The following SYBU variants were observed in gnomAD, a reference collection of about 807,000 sequenced individuals.
SYBU encodes syntabulin, also known as GOLSYN A protein.
SYBU carries 21 observed loss-of-function variants against 35.9 expected under a neutral mutation model. The ratio of observed to expected loss-of-function variants is 0.58; its 90% CI spans 0.41 to 0.84. SYBU has a LOEUF of 0.84. SYBU is among the 40% of genes least tolerant of loss of function. The pLI is 0.00. For missense variants in SYBU, 768 were observed against 848.2 expected (o/e 0.91, Z 1.17); for synonymous variants, 319 against 324.3 (o/e 0.98, Z 0.18).
At chr8:109,630,492 A>G (rs2130513473) in intron 2 of SYBU, among the ~76,000 whole-genome samples, 1 of 152,314 alleles carries the variant, frequency 6.6e-6, no homozygotes, top group East Asian at 1.9e-4. Context: ...CGTAATAGAA[A>G]TGAGAGGTAA....
chr8:109,607,701 CAT>C (rs764710972), intron 3 of SYBU, among the ~76,000 whole-genome samples: 44 of 152,038 alleles, frequency 2.9e-4, no homozygotes, highest in Admixed American at 1.0e-3. Flanking sequence ...TAAAATAACA[CAT>C]GTGTATATTT....
chr8:109,629,925 T>C (rs1431245565), intron 2 of SYBU, among the ~76,000 whole-genome samples: 1 of 152,142 alleles, frequency 6.6e-6, no homozygotes, highest in African/African-American at 2.4e-5. Flanking sequence ...ATGTGTTTTT[T>C]GGCTGCATAA....
intron 1 of SYBU, among the ~76,000 whole-genome samples, chr8:109,678,134 CAA>C (rs758399888): frequency 0.16 from 6,827 of 41,958 alleles, 44 homozygotes; most frequent in South Asian, 0.31. Flanking sequence ...AACTCCACCT[CAA>C]AAAAAAAAAA....
At chr8:109,622,947 C>T (rs995627303) in intron 2 of SYBU, among the ~76,000 whole-genome samples, 4 of 152,078 alleles carry the variant, frequency 2.6e-5, no homozygotes, top group Non-Finnish European at 4.4e-5. Flanking sequence ...GGAAGCTTTG[C>T]GCCAAGGTTT....
chr8:109,589,855 C>T (rs1247311386), intron 3 of SYBU, among the ~76,000 whole-genome samples: 2 of 152,100 alleles, frequency 1.3e-5, no homozygotes, highest in Admixed American at 6.6e-5. Flanking sequence ...CAGAACATCA[C>T]AGTATAGAAC....
Position 109,642,810 on chromosome 8 carries a change from G to C in SYBU, c.147C>G (p.Phe49Leu). ...TGAACTCTCTGCTCTCTTCCTCAGA[G>C]AAAGGAGACTCAGAGGCTGGGGACA... is the stretch of plus-strand genomic sequence containing the variant. ...HKVSPASESP[F>L]SEEESREFNP... is the part of the protein sequence containing the mutation. The change falls in exon 2 of 7, where the codon TTC becomes TTG. Residue 49 changes from phenylalanine to leucine, a missense_variant. Physicochemically the swap from Phe to Leu is conservative, Grantham distance 22. Coordinates refer to ENST00000276646, the MANE Select transcript of SYBU (RefSeq NM_001099754.2). The C allele has an allele frequency of 1.9e-6, 3 of 1,613,736 alleles. No homozygotes were observed. Among genetic ancestry groups the C allele is most frequent in the East Asian group, 2.2e-5 (1 of 44,856 alleles).
At chr8:109,613,460 GC>G (rs1283182384) in intron 3 of SYBU, among the ~76,000 whole-genome samples, 5 of 152,184 alleles carry the variant, frequency 3.3e-5, no homozygotes, top group African/African-American at 1.2e-4. Flanking sequence ...AGATCACACA[GC>G]TACAAAATAG....
chr8:109,583,701 GC>G (rs995164117), intron 4 of SYBU, among the ~76,000 whole-genome samples: 2 of 152,070 alleles, frequency 1.3e-5, no homozygotes, highest in African/African-American at 4.8e-5. Context: ...TAGAGGAGCT[GC>G]CCCCCCATGC....
chr8:109,662,557 C>T (rs1408497649), intron 1 of SYBU, among the ~76,000 whole-genome samples: 1 of 152,164 alleles, frequency 6.6e-6, no homozygotes, highest in African/African-American at 2.4e-5. Flanking sequence ...TGACATGGTT[C>T]TCTGCAGACT....
intron 2 of SYBU, among the ~76,000 whole-genome samples, chr8:109,638,017 TAA>T (rs1179644715): frequency 6.6e-6 from 1 of 152,230 alleles, no homozygotes; most frequent in African/African-American, 2.4e-5. Context: ...TTTAATGCGT[TAA>T]GTCGCACACT....
chr8:109,625,032 G>GA (rs1402780128), intron 2 of SYBU, among the ~76,000 whole-genome samples: 1 of 152,098 alleles, frequency 6.6e-6, no homozygotes, highest in African/African-American at 2.4e-5. Context: ...GCACTTTTGA[G>GA]AAAATCTGGG....
At chr8:109,625,291 C>T (rs1010002594) in intron 2 of SYBU, among the ~76,000 whole-genome samples, 4 of 152,188 alleles carry the variant, frequency 2.6e-5, no homozygotes, top group East Asian at 1.9e-4. Flanking sequence ...GTAATAAGCA[C>T]ATGAGAGTTC....
upstream of SYBU, chr8:109,644,950 G>C: frequency 1.9e-6 from 1 of 528,846 alleles, no homozygotes; most frequent in South Asian, 2.0e-5. Context: ...GACCGCGCCT[G>C]GGCGCGCCCC....
intron 1 of SYBU, among the ~76,000 whole-genome samples, chr8:109,679,626 G>C (rs926022687): frequency 1.3e-5 from 2 of 152,182 alleles, no homozygotes; most frequent in African/African-American, 4.8e-5. Flanking sequence ...TGGGACATCA[G>C]GTAGGTGTGA....
At chr8:109,683,946 CTATGAT>C (rs1817462377), upstream of SYBU, among the ~76,000 whole-genome samples, 1 of 152,158 alleles carries the variant, frequency 6.6e-6, no homozygotes, top group Non-Finnish European at 1.5e-5. Flanking sequence ...TTCTCTTCCA[CTATGAT>C]TATAAGTTTC....
Position 109,599,666 on chromosome 8 carries a change from A to T in SYBU, c.428-13504T>A, listed in dbSNP as rs79117862. On this transcript the variant is annotated intron_variant, in intron 3 of 6. Coordinates refer to ENST00000276646, the MANE Select transcript of SYBU (RefSeq NM_001099754.2). Reference sequence around the variant, plus strand: ...CACCCAGAATTACTGAAACAGCATCACACTGTGCCCAGCTGCTCCTTGTGG... The same window carrying T: ...CACCCAGAATTACTGAAACAGCATCTCACTGTGCCCAGCTGCTCCTTGTGG... Among the ~76,000 whole-genome samples, 635 of 152,306 alleles carry T rather than the reference A, an allele frequency of 4.2e-3. 11 individuals are homozygous for T. The East Asian group carries it at 0.045, about 11-fold the overall frequency.
At chr8:109,608,011 C>A (rs1826246657) in intron 3 of SYBU, 1 of 1,501,662 alleles carries the variant, frequency 6.7e-7, no homozygotes, top group Non-Finnish European at 8.9e-7. Flanking sequence ...ACAGTGTGTG[C>A]AGCTCATATC....
At chr8:109,687,003 A>G (rs909617959) in intron 1 of SYBU, among the ~76,000 whole-genome samples, 1 of 152,210 alleles carries the variant, frequency 6.6e-6, no homozygotes, top group African/African-American at 2.4e-5. Flanking sequence ...TATTATGATA[A>G]TAAATACCAC....
At chr8:109,632,666 A>G (rs1813769494) in intron 2 of SYBU, among the ~76,000 whole-genome samples, 1 of 152,228 alleles carries the variant, frequency 6.6e-6, no homozygotes, top group East Asian at 1.9e-4. Flanking sequence ...AGAACAAAAG[A>G]AGAAAATAGA....
Sources: gnomAD v4.1 joint callset for allele counts (sites outside exome capture counted in the v4.1 genomes callset) on GRCh38, gnomAD v4.1.1 for gene constraint, MANE v1.5 for transcripts, NCBI Gene and HGNC (gene_info 2026-07-23, HGNC 2026-07-21) for gene names.